SLAMF1: variants seen among roughly 807,000 people sequenced by gnomAD.
SLAMF1 encodes signaling lymphocytic activation molecule.
SLAMF1 carries 18 observed loss-of-function variants against 35.1 expected under a neutral mutation model. The observed-to-expected ratio is 0.51, with a 90% CI of 0.35 to 0.76. The LOEUF (loss-of-function observed/expected upper bound fraction) is 0.76, where lower values mean the gene tolerates loss of function less well. Among genes scored for constraint, SLAMF1 ranks in the 30% least tolerant of loss-of-function variants. SLAMF1 has a pLI of 0.01. For missense variants in SLAMF1, 392 were observed against 413.0 expected (o/e 0.95, Z 0.44); for synonymous variants, 168 against 157.2 (o/e 1.07, Z -0.51).
At chr1:160,634,412 T>C (rs1660317978) in intron 3 of SLAMF1, 5 of 984,418 alleles carry the variant, frequency 5.1e-6, no homozygotes, top group Non-Finnish European at 6.0e-6. Context: ...TTTCGTCAAC[T>C]GTGAACTGAG....
At chr1:160,618,623 T>C (rs1477440577) in intron 5 of SLAMF1, among the ~76,000 whole-genome samples, 1 of 152,216 alleles carries the variant, frequency 6.6e-6, no homozygotes, top group African/African-American at 2.4e-5. Flanking sequence ...CAGACTCAAA[T>C]GTAGAACTGG....
In SLAMF1 at chr1:160,642,485, T is replaced by C. The variant is rs1260974919; in HGVS notation, c.76+4385A>G. 6.6e-6 allele frequency among the ~76,000 whole-genome samples: 1 copy of C among 152,190 alleles called. No individual in the cohort carries two copies. Among genetic ancestry groups the C allele is most frequent in the Non-Finnish European group, 1.5e-5 (1 of 68,040 alleles). On this transcript the variant is annotated intron_variant, in intron 1 of 6. Coordinates refer to ENST00000302035, the MANE Select transcript of SLAMF1 (RefSeq NM_003037.5). The surrounding 1 kb of genome is among the most constrained non-coding windows in gnomAD (Gnocchi z 4.2). The stretch of plus-strand genomic sequence containing the variant: ...TTCAACTCTGGTTCAATGCCTGTAA[T>C]CCCCCACTCTTATAAGCTTCCAAGA...
At chr1:160,640,325 CAT>C (rs56785818) in intron 1 of SLAMF1, among the ~76,000 whole-genome samples, 1,014 of 94,028 alleles carry the variant, frequency 0.011, 14 homozygotes, top group East Asian at 0.099. Context: ...TTAGGTTTGT[CAT>C]ATATATATAT....
At chr1:160,635,254 T>C (rs1004290994) in intron 2 of SLAMF1, among the ~76,000 whole-genome samples, 8 of 152,236 alleles carry the variant, frequency 5.3e-5, no homozygotes, top group African/African-American at 1.9e-4. Flanking sequence ...TGGCTTACGT[T>C]GTTACTTCCT....
At chr1:160,631,316 G>T (rs1328264044) in intron 3 of SLAMF1, among the ~76,000 whole-genome samples, 1 of 152,224 alleles carries the variant, frequency 6.6e-6, no homozygotes, top group Non-Finnish European at 1.5e-5. Context: ...CCCTATCCCT[G>T]CAGGCTGGCA....
chr1:160,613,999 T>C (rs866804341), intron 5 of SLAMF1, among the ~76,000 whole-genome samples: 1 of 152,220 alleles, frequency 6.6e-6, no homozygotes, highest in Non-Finnish European at 1.5e-5. Context: ...TGTTAAAGGG[T>C]TGATTCTATT....
intron 2 of SLAMF1, chr1:160,636,893 A>C (rs1359274860): frequency 2.7e-6 from 1 of 367,824 alleles, no homozygotes; most frequent in African/African-American, 2.1e-5. Context: ...ATTACTTGCA[A>C]ACCAAGATCC....
intron 2 of SLAMF1, 102 bp from the exon 3 acceptor site, chr1:160,634,999 C>T: frequency 9.9e-7 from 1 of 1,006,134 alleles, no homozygotes; most frequent in Non-Finnish European, 1.5e-6. Context: ...GGCATTTTCC[C>T]TCCCCCTCAA....
At chr1:160,641,807 C>T (rs1239757809) in intron 1 of SLAMF1, among the ~76,000 whole-genome samples, 1 of 152,146 alleles carries the variant, frequency 6.6e-6, no homozygotes, top group East Asian at 1.9e-4. Flanking sequence ...GAGTGTTTTC[C>T]AGTGTGTCTG....
At chr1:160,612,672 T>C (rs1357074215) in intron 5 of SLAMF1, 92 bp from the exon 6 acceptor site, 3 of 747,022 alleles carry the variant, frequency 4.0e-6, no homozygotes, top group African/African-American at 1.8e-5. Flanking sequence ...TCAAGAAGAC[T>C]TGAGGCAGAA....
At chr1:160,612,180 G>T (rs1161231554) in intron 6 of SLAMF1, among the ~76,000 whole-genome samples, 1 of 151,876 alleles carries the variant, frequency 6.6e-6, no homozygotes, top group African/African-American at 2.4e-5. Context: ...TTGCCTGCAT[G>T]CTGTGGCCTC....
At chr1:160,615,084 A>G (rs1274620447) in intron 5 of SLAMF1, among the ~76,000 whole-genome samples, 1 of 152,184 alleles carries the variant, frequency 6.6e-6, no homozygotes, top group Non-Finnish European at 1.5e-5. Flanking sequence ...ATTATTTTAT[A>G]GCCATTAAAA....
chr1:160,635,438 C>T (rs990583189), intron 2 of SLAMF1, among the ~76,000 whole-genome samples: 1 of 152,154 alleles, frequency 6.6e-6, no homozygotes, highest in Non-Finnish European at 1.5e-5. Flanking sequence ...GTGATAGGTC[C>T]TCAATTATAA....
In SLAMF1 at chr1:160,627,162, T is replaced by G. The variant is rs180887855; in HGVS notation, c.701-2977A>C. On this transcript the variant is annotated intron_variant, in intron 3 of 6. Transcript: ENST00000302035. Reference sequence around the variant, plus strand: ...ATAAGCTACTCATACCCTCTGTGGCTTCAACTTCCTCATCTGTAAAATGAG... The same window carrying G: ...ATAAGCTACTCATACCCTCTGTGGCGTCAACTTCCTCATCTGTAAAATGAG... 2.2e-3 allele frequency among the ~76,000 whole-genome samples: 339 copies of G among 152,372 alleles called. 1 individual carries two copies. Among genetic ancestry groups the G allele is most frequent in the African/African-American group, 8.0e-3 (331 of 41,576 alleles).
intron 4 of SLAMF1, among the ~76,000 whole-genome samples, chr1:160,622,919 T>A (rs1463743950): frequency 1.3e-5 from 2 of 152,244 alleles, no homozygotes; most frequent in Non-Finnish European, 2.9e-5. Flanking sequence ...AGCAAGGTTT[T>A]ATGAAAGGTG....
At chr1:160,628,592 C>G (rs1442788411) in intron 3 of SLAMF1, among the ~76,000 whole-genome samples, 1 of 152,156 alleles carries the variant, frequency 6.6e-6, no homozygotes, top group Non-Finnish European at 1.5e-5. Flanking sequence ...AGGCCCTGTA[C>G]CTTATTCTTT....
intron 3 of SLAMF1, among the ~76,000 whole-genome samples, chr1:160,630,466 G>A (rs1660107587): frequency 3.3e-5 from 5 of 152,198 alleles, no homozygotes. Flanking sequence ...TAACCGCTGT[G>A]AGGTTTTCAT....
chr1:160,625,756 G>A (rs888054115), intron 3 of SLAMF1, among the ~76,000 whole-genome samples: 5 of 152,026 alleles, frequency 3.3e-5, no homozygotes, highest in African/African-American at 7.3e-5. Context: ...TTGAATCATT[G>A]CTGATGCTGG....
At chr1:160,625,589 C>G (rs1313108884) in intron 3 of SLAMF1, among the ~76,000 whole-genome samples, 3 of 152,182 alleles carry the variant, frequency 2.0e-5, no homozygotes, top group Non-Finnish European at 4.4e-5. Flanking sequence ...AGGAATCTCA[C>G]TGAACTGACT....
Sources: gnomAD v4.1 joint callset for allele counts (sites outside exome capture counted in the v4.1 genomes callset) on GRCh38, gnomAD v4.1.1 for gene constraint, Gnocchi (gnomAD v3.1) non-coding constraint, MANE v1.5 for transcripts, NCBI Gene and HGNC (gene_info 2026-07-23, HGNC 2026-07-21) for gene names.